Variants in OSMR observed in about 807,000 individuals in gnomAD.
OSMR encodes oncostatin-M-specific receptor subunit beta.
In OSMR, 81 loss-of-function variants were observed where a neutral mutation model predicts 99.9. The ratio of observed to expected loss-of-function variants is 0.81; its 90% confidence interval spans 0.68 to 0.97. The LOEUF (loss-of-function observed/expected upper bound fraction) is 0.97, where lower values mean the gene tolerates loss of function less well. Among genes scored for constraint, OSMR ranks in the 50% least tolerant of loss-of-function variants. The pLI, the probability that OSMR is intolerant of heterozygous loss-of-function variation, is 0.00. For missense variants in OSMR, 1,099 were observed against 1,153.4 expected (o/e 0.95, Z 0.68); for synonymous variants, 406 against 410.4 (o/e 0.99, Z 0.13).
At position 38,898,950 on chromosome 5, in the gene OSMR, C is replaced by CTTTTTTTTTTTTTTTTTTTTTTTTTTTT. The variant is rs58159819; in HGVS notation, c.992-4908_992-4907insTTTTTTTTTTTTTTTTTTTTTTTTTTTT. Reference sequence around the variant, plus strand: ...TTTGTTGTTTCTATTTACATAATATCTTTTTTTTTTTTTTTTTTTTTTTTG... The same window carrying CTTTTTTTTTTTTTTTTTTTTTTTTTTTT: ...TTTGTTGTTTCTATTTACATAATATCTTTTTTTTTTTTTTTTTTTTTTTTTTTTTTTTTTTTTTTTTTTTTTTTTTTTG... On this transcript the variant is annotated intron_variant, in intron 7 of 17. Transcript: ENST00000274276. Among the ~76,000 whole-genome samples the CTTTTTTTTTTTTTTTTTTTTTTTTTTTT allele has an allele frequency of 7.7e-5, 6 of 78,288 alleles. 1 individual carries two copies. Among genetic ancestry groups the CTTTTTTTTTTTTTTTTTTTTTTTTTTTT allele is most frequent in the East Asian group, 3.4e-4 (1 of 2,972 alleles). 51.4% of individuals were successfully genotyped at this position (78,288 alleles called of 152,430 possible). A position where few individuals can be genotyped will look rare whatever the true frequency, so the allele number is the denominator to read the frequency against.
intron 5 of OSMR, among the ~76,000 whole-genome samples, chr5:38,884,705 T>C (rs980101043): frequency 1.3e-5 from 2 of 152,204 alleles, no homozygotes; most frequent in Admixed American, 1.3e-4. Flanking sequence ...GTAAATTGGT[T>C]CCATCGGATA....
intron 1 of OSMR, among the ~76,000 whole-genome samples, chr5:38,866,361 G>A (rs764193692): frequency 4.4e-4 from 67 of 152,180 alleles, no homozygotes; most frequent in African/African-American, 1.2e-3. Context: ...CATGCAGGTG[G>A]GTGGCAGCCC....
intron 1 of OSMR, chr5:38,940,784 T>A (rs747117021): frequency 4.3e-6 from 1 of 232,062 alleles, no homozygotes; most frequent in Non-Finnish European, 8.5e-6. Context: ...TAAAAAAGTA[T>A]CTCTGTGAGT....
In OSMR at chr5:38,846,329, G is replaced by T. The variant is rs2111957520; in HGVS notation, c.-72G>T. 1 of 152,402 alleles carries T rather than the reference G, an allele frequency of 6.6e-6. No individual in the cohort carries two copies. Among genetic ancestry groups the T allele is most frequent in the Admixed American group, 6.5e-5 (1 of 15,306 alleles). The allele number at this position is 152,402 out of a possible 1,614,324, so 9.4% of individuals were successfully genotyped here. ...CCTCTGCCCAGCGTTTGCTTGGCTGGGCTACCACCTGCGCTCGGACGGCGC... is the reference window on the plus strand; with the variant it reads ...CCTCTGCCCAGCGTTTGCTTGGCTGTGCTACCACCTGCGCTCGGACGGCGC... On this transcript the variant is annotated 5_prime_UTR_variant, in exon 1 of 18. Transcript: ENST00000274276.
chr5:38,855,193 C>A (rs1740745174), intron 1 of OSMR, among the ~76,000 whole-genome samples: 1 of 152,146 alleles, frequency 6.6e-6, no homozygotes, highest in Non-Finnish European at 1.5e-5. Context: ...GCAGGAGGGG[C>A]CACAGTAGAG....
chr5:38,918,878 CT>C lies in OSMR; in HGVS notation c.1402del (p.Tyr468IlefsTer3). On this transcript the variant is annotated frameshift_variant, in exon 11 of 18. Coordinates refer to ENST00000274276, the MANE Select transcript of OSMR (RefSeq NM_003999.3). LOFTEE classifies it high-confidence loss of function. The stretch of plus-strand genomic sequence containing the variant: ...TGCATGCCAATGGAAAGATCCTGTT[CT>C]ATAATGTAGTTGTAGAAAACCTAGA... ...KLHANGKILF[Y>X]NVVVENLDKP... 6.2e-7 allele frequency: 1 copy of C among 1,613,936 alleles called. No homozygotes were observed. Among genetic ancestry groups the C allele is most frequent in the Non-Finnish European group, 8.5e-7 (1 of 1,179,886 alleles).
intron 1 of OSMR, among the ~76,000 whole-genome samples, chr5:38,859,335 G>A (rs1371703533): frequency 6.6e-6 from 1 of 152,094 alleles, no homozygotes; most frequent in Non-Finnish European, 1.5e-5. Context: ...AGTTTTCCCA[G>A]CACCATTTTT....
intron 1 of OSMR, among the ~76,000 whole-genome samples, chr5:38,854,434 A>C (rs894579235): frequency 6.6e-6 from 1 of 152,224 alleles, no homozygotes; most frequent in Non-Finnish European, 1.5e-5. Flanking sequence ...AGGGATTTTC[A>C]TAAGCATCTT....
At chr5:38,944,782 T>C (rs1328303227) in intron 2 of OSMR, 5 of 948,688 alleles carry the variant, frequency 5.3e-6, no homozygotes, top group Admixed American at 4.4e-5. Context: ...CAGTGTTAAA[T>C]TGCTTCACTA....
Position 38,909,490 on chromosome 5 carries a change from C to T in OSMR, c.1285+4987C>T, listed in dbSNP as rs148817761. On this transcript the variant is annotated intron_variant, in intron 9 of 17. Coordinates refer to ENST00000274276, the MANE Select transcript of OSMR (RefSeq NM_003999.3). ...GTTAAAGGCAGCTAGGGAGACAGGG[C>T]GGGTCACCTACAAAGGGAACCCCAT... Among the ~76,000 whole-genome samples, 818 of 152,268 alleles carry T rather than the reference C, an allele frequency of 5.4e-3. 4 individuals carry two copies. Among genetic ancestry groups the T allele is most frequent in the Middle Eastern group, 0.01 (3 of 294 alleles).
At chr5:38,857,699 G>A (rs1052442250) in intron 1 of OSMR, among the ~76,000 whole-genome samples, 1 of 151,608 alleles carries the variant, frequency 6.6e-6, no homozygotes, top group Non-Finnish European at 1.5e-5. Flanking sequence ...ATGGAGTCTC[G>A]CTGTGTCGCC....
rs180900618 is a variant in OSMR, at chr5:38,869,327, C to T, written c.73+210C>T. On this transcript the variant is annotated intron_variant, in intron 2 of 17. Transcript: ENST00000274276. ...TCTTGATGGCTCTCTTAATAAGCCA[C>T]CCTTTGACCCTGACTTCCTGGTCAG... Among the ~76,000 whole-genome samples the T allele has an allele frequency of 1.2e-4, 18 of 152,280 alleles. No individual in the cohort carries two copies. In the East Asian group the frequency reaches 2.9e-3, roughly 24 times the overall value.
At chr5:38,932,416 G>A (rs765268004) in intron 16 of OSMR, 47 bp from the exon 17 acceptor site, 60 of 1,384,780 alleles carry the variant, frequency 4.3e-5, no homozygotes, top group African/African-American at 1.1e-4. Flanking sequence ...CTCTTAACTC[G>A]TCCACTGTAC....
In OSMR at chr5:38,933,127, C is replaced by T. The variant is rs1200307819; in HGVS notation, c.2623C>T (p.Pro875Ser). 6.2e-7 allele frequency: 1 copy of T among 1,614,168 alleles called. No individual in the cohort carries two copies. Among genetic ancestry groups the T allele is most frequent in the East Asian group, 2.2e-5 (1 of 44,880 alleles). The change falls in exon 18 of 18, where the codon CCA becomes TCA. Residue 875 changes from proline to serine, a missense_variant. Transcript: ENST00000274276. ...ASDSGSCGHV[P>S]VSPKAPSMLG... ...TGACTCTGGCTCTTGTGGCCATGTTCCAGTATCCCCAAAAGCCCCAAGTAT... is the reference window on the plus strand; with the variant it reads ...TGACTCTGGCTCTTGTGGCCATGTTTCAGTATCCCCAAAAGCCCCAAGTAT...
chr5:38,917,887 C>A (rs186941649), intron 10 of OSMR, among the ~76,000 whole-genome samples: 40 of 152,004 alleles, frequency 2.6e-4, no homozygotes, highest in African/African-American at 8.9e-4. Flanking sequence ...GGGCCCAGGG[C>A]AAAGATGTAA....
chr5:38,940,236 G>A (rs1197897693), downstream of OSMR: 2 of 231,724 alleles, frequency 8.6e-6, no homozygotes, highest in Non-Finnish European at 1.7e-5. Context: ...AGTGATGGTG[G>A]GGGAGGGGGT....
chr5:38,865,322 C>T (rs1303429403), intron 1 of OSMR, among the ~76,000 whole-genome samples: 1 of 152,084 alleles, frequency 6.6e-6, no homozygotes, highest in Non-Finnish European at 1.5e-5. Flanking sequence ...TTTCTTGTGT[C>T]CTTACATTGC....
rs746416768 is a variant in OSMR, at chr5:38,943,014, T to C, written c.75-1187T>C. The C allele has an allele frequency of 3.4e-6, 5 of 1,454,428 alleles. No homozygotes were observed. In the East Asian group the frequency reaches 6.8e-5, roughly 20 times the overall value. 90.1% of individuals were successfully genotyped at this position (1,454,428 alleles called of 1,614,324 possible). ...GGTGTGATGAAAACTGTAATCATGA[T>C]GTATCTATTTTTCCTCCAAGGTATC... On this transcript the variant is annotated intron_variant and NMD_transcript_variant, in intron 1 of 2. Transcript: ENST00000508882.
At chr5:38,879,135 A>G (rs999248389) in intron 3 of OSMR, among the ~76,000 whole-genome samples, 27 of 152,262 alleles carry the variant, frequency 1.8e-4, no homozygotes, top group Non-Finnish European at 3.7e-4. Context: ...GTTTGAGACC[A>G]AATATCCAAG....
Sources: gnomAD v4.1 joint callset for allele counts (sites outside exome capture counted in the v4.1 genomes callset) on GRCh38, gnomAD v4.1.1 for gene constraint, MANE v1.5 for transcripts, NCBI Gene and HGNC (gene_info 2026-07-23, HGNC 2026-07-21) for gene names.